The following RBFOX1 variants were observed in gnomAD, a reference collection of about 807,000 sequenced individuals.
The protein encoded by RBFOX1 is RNA binding protein fox-1 homolog 1.
Under a neutral mutation model 57.7 loss-of-function variants are expected in RBFOX1, and 8 were observed. The ratio of observed to expected loss-of-function variants is 0.14; its 90% CI spans 0.08 to 0.25. RBFOX1 has a LOEUF of 0.25. Among genes scored for constraint, RBFOX1 ranks in the 10% least tolerant of loss-of-function variants. RBFOX1 has a pLI of 1.00. For synonymous variants in RBFOX1, 326 were observed against 222.4 expected (o/e 1.47, Z -4.15); for missense variants, 611 against 548.5 (o/e 1.11, Z -1.14).
At chr16:6,484,225 TTA>T (rs1381183578) in intron 2 of RBFOX1, among the ~76,000 whole-genome samples, 14 of 152,274 alleles carry the variant, frequency 9.2e-5, no homozygotes, top group African/African-American at 3.1e-4. Flanking sequence ...AATGAGAGGT[TTA>T]TGAAATGAAT....
intron 4 of RBFOX1, among the ~76,000 whole-genome samples, chr16:7,178,074 G>A (rs938611822): frequency 2.0e-5 from 3 of 152,220 alleles, no homozygotes; most frequent in Non-Finnish European, 4.4e-5. Flanking sequence ...AAGTCAGTAT[G>A]TGTCAGGATA....
chr16:5,515,493 G>T (rs1304421731), intron 2 of RBFOX1, among the ~76,000 whole-genome samples: 1 of 152,160 alleles, frequency 6.6e-6, no homozygotes, highest in Middle Eastern at 3.2e-3. Flanking sequence ...CAACAAAATG[G>T]TTCCCCAGGC....
At chr16:5,569,568 A>T (rs56984181) in intron 2 of RBFOX1, among the ~76,000 whole-genome samples, 67,008 of 149,582 alleles carry the variant, frequency 0.45, 15,121 homozygotes, top group East Asian at 0.53. Flanking sequence ...CGGTGGATAC[A>T]TACCATCCCC....
chr16:5,319,196 G>A (rs1195569140), intron 1 of RBFOX1, among the ~76,000 whole-genome samples: 2 of 152,156 alleles, frequency 1.3e-5, no homozygotes, highest in African/African-American at 2.4e-5. Flanking sequence ...TGCAGAATAG[G>A]TCAGAGATTC....
chr16:6,048,566 A>C (rs1179163725), intron 1 of RBFOX1, among the ~76,000 whole-genome samples: 1 of 152,140 alleles, frequency 6.6e-6, no homozygotes, highest in South Asian at 2.1e-4. Flanking sequence ...AAACACCACA[A>C]ATAACTCTGT....
At chr16:6,149,483 C>T (rs915214246) in intron 1 of RBFOX1, among the ~76,000 whole-genome samples, 8 of 152,132 alleles carry the variant, frequency 5.3e-5, no homozygotes, top group African/African-American at 1.7e-4. Context: ...GTAATTATTC[C>T]GTGATGGGAC....
intron 1 of RBFOX1, among the ~76,000 whole-genome samples, chr16:6,231,352 C>T (rs1054481397): frequency 2.0e-5 from 3 of 151,892 alleles, no homozygotes; most frequent in Non-Finnish European, 4.4e-5. Context: ...TGTTTAAATT[C>T]AGTGATGAGA....
intron 1 of RBFOX1, among the ~76,000 whole-genome samples, chr16:6,146,186 G>A (rs555637737): frequency 1.3e-5 from 2 of 152,162 alleles, no homozygotes; most frequent in African/African-American, 4.8e-5. Flanking sequence ...TGCTGTGGGA[G>A]GGGGTGGAGG....
intron 4 of RBFOX1, among the ~76,000 whole-genome samples, chr16:7,094,771 TGTGTGG>T (rs1555466457): frequency 1.4e-5 from 2 of 140,844 alleles, no homozygotes; most frequent in African/African-American, 5.0e-5. Flanking sequence ...TGTGTGTGTG[TGTGTGG>T]GTGTGTGTGT....
intron 1 of RBFOX1, among the ~76,000 whole-genome samples, chr16:5,367,789 C>T (rs1469152653): frequency 6.6e-6 from 1 of 152,102 alleles, no homozygotes; most frequent in Non-Finnish European, 1.5e-5. Context: ...GCCCATGGTC[C>T]CACATCCAGA....
chr16:6,903,517 G>A (rs565557010), intron 3 of RBFOX1, among the ~76,000 whole-genome samples: 12 of 152,246 alleles, frequency 7.9e-5, no homozygotes, highest in Non-Finnish European at 1.2e-4. Context: ...ACATGATGTG[G>A]GGGAAGCACT....
At chr16:7,494,920 T>C (rs114071703) in intron 4 of RBFOX1, among the ~76,000 whole-genome samples, 272 of 151,480 alleles carry the variant, frequency 1.8e-3, no homozygotes, top group African/African-American at 6.2e-3. Flanking sequence ...ATGGGTATAT[T>C]GGACCAAGGT....
intron 4 of RBFOX1, among the ~76,000 whole-genome samples, chr16:7,296,063 C>T (rs762678574): frequency 2.0e-5 from 3 of 151,586 alleles, no homozygotes; most frequent in Non-Finnish European, 4.4e-5. Flanking sequence ...TGTGCCAGTG[C>T]CTATGCTGAG....
rs989802357 is a variant in RBFOX1 at position 6,835,625 on chromosome 16, C to T, written c.-16+180975C>T. Among the ~76,000 whole-genome samples, 11 of 151,586 alleles carry T rather than the reference C, an allele frequency of 7.3e-5. No individual in the cohort carries two copies. The South Asian group carries it at 1.7e-3, about 23-fold the overall frequency. On this transcript the variant is annotated intron_variant, in intron 3 of 15. Transcript: ENST00000550418. ...AAAAGTAGCTGGGCATGGTGGTGCA[C>T]GACTGTAGTCCCAGCTACTGGGAGA...
intron 4 of RBFOX1, among the ~76,000 whole-genome samples, chr16:7,395,208 C>A (rs138343162): frequency 2.0e-5 from 3 of 149,068 alleles, no homozygotes; most frequent in Non-Finnish European, 4.4e-5. Context: ...CTTGCCTGAT[C>A]TATGTAGATG....
intron 1 of RBFOX1, among the ~76,000 whole-genome samples, chr16:5,259,803 G>A (rs1026593268): frequency 9.9e-5 from 15 of 152,190 alleles, no homozygotes; most frequent in African/African-American, 3.6e-4. Flanking sequence ...AAATGTTTCT[G>A]TGTCACCCTC....
intron 1 of RBFOX1, among the ~76,000 whole-genome samples, chr16:5,378,124 TAGAC>T (rs938186129): frequency 2.6e-5 from 4 of 151,532 alleles, no homozygotes; most frequent in African/African-American, 7.3e-5. Flanking sequence ...GGCAAATAAG[TAGAC>T]AGAGATATGG....
chr16:7,110,648 A>G (rs1376876260), intron 4 of RBFOX1, among the ~76,000 whole-genome samples: 1 of 152,178 alleles, frequency 6.6e-6, no homozygotes, highest in Non-Finnish European at 1.5e-5. Flanking sequence ...GACATGAAGA[A>G]ACCTAAACCA....
chr16:6,785,918 G>A (rs551243203), intron 3 of RBFOX1, among the ~76,000 whole-genome samples: 2 of 152,192 alleles, frequency 1.3e-5, no homozygotes, highest in African/African-American at 2.4e-5. Context: ...ATGGCACTGT[G>A]ACTGAGGAAC....
Sources: gnomAD v4.1 joint callset for allele counts (sites outside exome capture counted in the v4.1 genomes callset) on GRCh38, gnomAD v4.1.1 for gene constraint, MANE v1.5 for transcripts, NCBI Gene and HGNC (gene_info 2026-07-23, HGNC 2026-07-21) for gene names.